Variants in FAT3 observed in about 807,000 individuals in gnomAD.
FAT3 encodes protocadherin Fat 3.
Under a neutral mutation model 310.2 loss-of-function variants are expected in FAT3, and 95 were observed. The observed-to-expected ratio is 0.31, with a 90% CI of 0.26 to 0.36. FAT3 has a LOEUF of 0.36. Among genes scored for constraint, FAT3 ranks in the 10% least tolerant of loss-of-function variants. The probability of loss-of-function intolerance (pLI) is 1.00; values close to 1 mark genes in which losing one functional copy is unlikely to be tolerated. For synonymous variants in FAT3, 2,314 were observed against 2,192.9 expected, an observed-to-expected ratio of 1.06 and a Z score of -1.54; for missense variants, 5,408 against 5,715.6, an observed-to-expected ratio of 0.95 and a Z score of 1.74.
At chr11:92,868,330 C>T (rs1949298445) in intron 22 of FAT3, among the ~76,000 whole-genome samples, 2 of 152,160 alleles carry the variant, frequency 1.3e-5, no homozygotes, top group South Asian at 4.1e-4. Flanking sequence ...ATGTTACTAC[C>T]ACAATGAGGG....
intron 2 of FAT3, among the ~76,000 whole-genome samples, chr11:92,443,582 C>T (rs1222667856): frequency 3.3e-5 from 5 of 152,158 alleles, no homozygotes; most frequent in East Asian, 3.8e-4. Flanking sequence ...TTTTTTAAGT[C>T]GCCAAGACTA....
intron 2 of FAT3, among the ~76,000 whole-genome samples, chr11:92,365,939 A>C (rs2134692329): frequency 6.6e-6 from 1 of 152,376 alleles, no homozygotes; most frequent in South Asian, 2.1e-4. Context: ...ATACTTCTAT[A>C]AAAGTAAATG....
At chr11:92,341,119 A>T (rs1948249808) in intron 1 of FAT3, among the ~76,000 whole-genome samples, 1 of 152,186 alleles carries the variant, frequency 6.6e-6, no homozygotes, top group Non-Finnish European at 1.5e-5. Flanking sequence ...TGTTAGGCTG[A>T]GGTTGCTTAT....
At chr11:92,595,789 A>T (rs541685212) in intron 3 of FAT3, among the ~76,000 whole-genome samples, 235 of 152,304 alleles carry the variant, frequency 1.5e-3, no homozygotes, top group Non-Finnish European at 2.6e-3. Flanking sequence ...TTCACAACTG[A>T]CACCTGATAG....
At chr11:92,325,167 A>G (rs1215932830) in intron 1 of FAT3, among the ~76,000 whole-genome samples, 2 of 152,204 alleles carry the variant, frequency 1.3e-5, no homozygotes, top group East Asian at 3.9e-4. Context: ...GACAAGCTTG[A>G]CTTGATCCTT....
At chr11:92,702,960 C>T (rs934865971) in intron 4 of FAT3, among the ~76,000 whole-genome samples, 1 of 152,066 alleles carries the variant, frequency 6.6e-6, no homozygotes, top group Admixed American at 6.6e-5. Flanking sequence ...TTTGGAACAG[C>T]CCAGAGAATG....
chr11:92,353,599 C>G lies in FAT3; in HGVS notation c.1487C>G (p.Ala496Gly). 6.2e-7 allele frequency: 1 copy of G among 1,613,770 alleles called. No homozygotes were observed. The highest frequency in any genetic ancestry group is 8.5e-7 in the Non-Finnish European group (1 of 1,179,846). The change falls in exon 2 of 28, where the codon GCT (alanine) becomes GGT (glycine). Residue 496 changes from alanine (A) to glycine (G), a missense_variant. Physicochemically the swap from Ala to Gly is moderately conservative, Grantham distance 60. Around this residue, in one of 5 missense-constraint regions of FAT3, gnomAD observed 4,588 missense variants for 4,809.8 expected, o/e 0.95. Transcript: ENST00000525166. ...GGAACCAGCGTTCTAACAGTTTCAG[C>G]TTCTGATAAGGATAAAGGAGAAAAT... ...PVGTSVLTVS[A>G]SDKDKGENGY...
chr11:92,863,114 T>A (rs1485936582), intron 21 of FAT3, among the ~76,000 whole-genome samples: 1 of 152,190 alleles, frequency 6.6e-6, no homozygotes, highest in African/African-American at 2.4e-5. Context: ...TTTTTGTTTG[T>A]GGGTTTTTTT....
At chr11:92,546,210 G>C (rs893903725) in intron 3 of FAT3, among the ~76,000 whole-genome samples, 1 of 152,176 alleles carries the variant, frequency 6.6e-6, no homozygotes, top group African/African-American at 2.4e-5. Flanking sequence ...ATAATATCCC[G>C]ATCTACAGAG....
At chr11:92,448,592 A>G (rs906074903) in intron 2 of FAT3, among the ~76,000 whole-genome samples, 1 of 152,216 alleles carries the variant, frequency 6.6e-6, no homozygotes, top group Non-Finnish European at 1.5e-5. Context: ...AGCATGAATT[A>G]GTTTTTAGAA....
chr11:92,513,387 A>T (rs2135319258), intron 2 of FAT3, among the ~76,000 whole-genome samples: 1 of 152,312 alleles, frequency 6.6e-6, no homozygotes, highest in Non-Finnish European at 1.5e-5. Context: ...ATAGAACAAG[A>T]AAGAAAAATA....
intron 2 of FAT3, among the ~76,000 whole-genome samples, chr11:92,365,267 A>G (rs1948990163): frequency 6.6e-6 from 1 of 152,140 alleles, no homozygotes; most frequent in African/African-American, 2.4e-5. Context: ...GAGACCCTGT[A>G]TGAAAAACAA....
intron 2 of FAT3, among the ~76,000 whole-genome samples, chr11:92,415,105 G>A (rs1162758343): frequency 1.3e-5 from 2 of 152,054 alleles, no homozygotes; most frequent in Non-Finnish European, 2.9e-5. Flanking sequence ...AGGACCTTCT[G>A]AATTGAAAAA....
At chr11:92,648,411 A>G (rs1464456601) in intron 3 of FAT3, among the ~76,000 whole-genome samples, 1 of 152,112 alleles carries the variant, frequency 6.6e-6, no homozygotes, top group East Asian at 1.9e-4. Flanking sequence ...TAAGTCACCA[A>G]TTCCTCCTGC....
intron 2 of FAT3, among the ~76,000 whole-genome samples, chr11:92,428,134 T>C: frequency 6.6e-6 from 1 of 152,154 alleles, no homozygotes; most frequent in East Asian, 1.9e-4. Flanking sequence ...TTTATACATT[T>C]CTTCTAGATT....
Position 92,281,346 on chromosome 11 carries a change from A to G in FAT3, c.-18+56172A>G, listed in dbSNP as rs981106753. ...TTTTATATCTTTATATTTATAATTT[A>G]TTTTATTTTGCAAGTTTCTACAAGT... On this transcript the variant is annotated intron_variant, in intron 1 of 27. Transcript: ENST00000525166. Among the ~76,000 whole-genome samples the G allele has an allele frequency of 2.0e-5, 3 of 152,158 alleles. 1 individual carries two copies. The highest frequency in any genetic ancestry group is 7.2e-5 in the African/African-American group (3 of 41,450).
intron 4 of FAT3, among the ~76,000 whole-genome samples, chr11:92,745,562 G>T (rs1289281626): frequency 7.3e-6 from 1 of 136,476 alleles, no homozygotes; most frequent in Non-Finnish European, 1.5e-5. Flanking sequence ...ATTAGTAGCT[G>T]ATGCATACCT....
chr11:92,725,158 A>G (rs899193967), intron 4 of FAT3, among the ~76,000 whole-genome samples: 23 of 152,222 alleles, frequency 1.5e-4, no homozygotes, highest in Admixed American at 1.4e-3. Context: ...GTAGTGAGAA[A>G]TCACCCAATA....
chr11:92,700,573 C>A (rs534593585), intron 4 of FAT3, among the ~76,000 whole-genome samples: 5 of 152,200 alleles, frequency 3.3e-5, no homozygotes, highest in African/African-American at 1.2e-4. Flanking sequence ...AACACAAATC[C>A]TATCATGATT....
Sources: allele counts gnomAD v4.1 joint callset (sites outside exome capture counted in the v4.1 genomes callset), GRCh38; gene constraint gnomAD v4.1.1; regional missense constraint gnomAD v4.1.1; transcripts MANE v1.5; gene names NCBI Gene and HGNC (gene_info 2026-07-23, HGNC 2026-07-21).